CDK6: variants seen among roughly 807,000 people sequenced by gnomAD.
CDK6 encodes cyclin-dependent kinase 6.
A neutral mutation model predicts 37.1 loss-of-function variants in CDK6; 6 were observed. The ratio of observed to expected loss-of-function variants is 0.16; its 90% CI spans 0.09 to 0.32. CDK6 has a LOEUF of 0.32. CDK6 is among the 10% of genes least tolerant of loss of function. The probability of loss-of-function intolerance (pLI) is 1.00; values close to 1 mark genes in which losing one functional copy is unlikely to be tolerated. For missense variants in CDK6, 224 were observed against 418.9 expected (o/e 0.53, Z 4.06); for synonymous variants, 160 against 161.3 (o/e 0.99, Z 0.06).
At chr7:92,622,007 GT>G (rs34468342) in intron 6 of CDK6, among the ~76,000 whole-genome samples, 31,249 of 139,062 alleles carry the variant, frequency 0.22, 3,677 homozygotes, top group Middle Eastern at 0.36. Context: ...TTTAGGGGTG[GT>G]TTTTTTTTTT....
At chr7:92,801,956 T>TC (rs1301144988) in intron 2 of CDK6, among the ~76,000 whole-genome samples, 152 of 64,448 alleles carry the variant, frequency 2.4e-3, no homozygotes, top group African/African-American at 7.5e-3. Context: ...TCTCCTCCCC[T>TC]CCCCCCCGTT....
chr7:92,674,089 T>TC (rs541286853), intron 4 of CDK6, among the ~76,000 whole-genome samples: 2 of 144,586 alleles, frequency 1.4e-5, no homozygotes, highest in South Asian at 4.3e-4. Flanking sequence ...CCTTTCTTCT[T>TC]TTTTTTTTTT....
chr7:92,628,138 C>T (rs1795970927), intron 5 of CDK6, among the ~76,000 whole-genome samples: 1 of 152,022 alleles, frequency 6.6e-6, no homozygotes, highest in South Asian at 2.1e-4. Context: ...AAATAATAAA[C>T]CAAAAATGTC....
intron 3 of CDK6, among the ~76,000 whole-genome samples, chr7:92,769,498 A>G (rs1409948650): frequency 1.3e-5 from 2 of 151,424 alleles, no homozygotes; most frequent in Admixed American, 1.3e-4. Flanking sequence ...TGCATCAAAC[A>G]TTTTTTTTTA....
intron 3 of CDK6, among the ~76,000 whole-genome samples, chr7:92,730,348 A>G (rs1422960801): frequency 6.6e-6 from 1 of 152,212 alleles, no homozygotes; most frequent in Non-Finnish European, 1.5e-5. Flanking sequence ...AACTCTCTCC[A>G]TAGTGGTTTG....
intron 4 of CDK6, among the ~76,000 whole-genome samples, chr7:92,687,211 T>A (rs1301000476): frequency 6.6e-6 from 1 of 152,206 alleles, no homozygotes; most frequent in Non-Finnish European, 1.5e-5. Context: ...AGTACACCTC[T>A]CTTACAGCCC....
intron 5 of CDK6, among the ~76,000 whole-genome samples, chr7:92,656,324 A>G (rs1212140846): frequency 6.6e-6 from 1 of 152,158 alleles, no homozygotes; most frequent in Non-Finnish European, 1.5e-5. Context: ...TCAGCGCAAA[A>G]CAAAAGAGCA....
chr7:92,701,193 A>G (rs1193714293), intron 4 of CDK6, among the ~76,000 whole-genome samples: 1 of 152,256 alleles, frequency 6.6e-6, no homozygotes, highest in Non-Finnish European at 1.5e-5. Flanking sequence ...GATGGGATCA[A>G]GCGCCCAGGT....
At chr7:92,629,419 AAG>A (rs143120528) in intron 5 of CDK6, among the ~76,000 whole-genome samples, 30,830 of 151,854 alleles carry the variant, frequency 0.2, 3,806 homozygotes, top group Middle Eastern at 0.36. Flanking sequence ...GAGAGAAAGA[AAG>A]AGAGGGAGAG....
At chr7:92,741,154 A>G (rs917524272) in intron 3 of CDK6, among the ~76,000 whole-genome samples, 7 of 152,252 alleles carry the variant, frequency 4.6e-5, no homozygotes, top group African/African-American at 1.7e-4. Flanking sequence ...CAGCAATTAG[A>G]AAGAACATGG....
intron 4 of CDK6, among the ~76,000 whole-genome samples, chr7:92,691,995 C>T (rs1225708426): frequency 2.6e-5 from 4 of 152,286 alleles, no homozygotes; most frequent in South Asian, 2.1e-4. Flanking sequence ...AGGCTGGGCG[C>T]GGTGGCTCAC....
intron 2 of CDK6, among the ~76,000 whole-genome samples, chr7:92,776,584 T>C (rs1799856638): frequency 6.6e-6 from 1 of 152,230 alleles, no homozygotes; most frequent in Non-Finnish European, 1.5e-5. Context: ...GTTTCCTGAC[T>C]TTTTAATGAT....
chr7:92,799,512 T>G (rs1427423201), intron 2 of CDK6, among the ~76,000 whole-genome samples: 1 of 151,864 alleles, frequency 6.6e-6, no homozygotes, highest in Non-Finnish European at 1.5e-5. Flanking sequence ...TTTTTTTCAC[T>G]TAAAATACAG....
chr7:92,688,690 T>C (rs1797527555), intron 4 of CDK6, among the ~76,000 whole-genome samples: 1 of 151,882 alleles, frequency 6.6e-6, no homozygotes, highest in South Asian at 2.1e-4. Flanking sequence ...TCTGAAATGT[T>C]TGTTTGAACA....
chr7:92,617,655 T>C (rs1343731275), intron 7 of CDK6, among the ~76,000 whole-genome samples: 1 of 152,190 alleles, frequency 6.6e-6, no homozygotes, highest in African/African-American at 2.4e-5. Flanking sequence ...GCTATATAGT[T>C]CTTTTGGAAA....
chr7:92,794,867 T>C (rs1040000937), intron 2 of CDK6, among the ~76,000 whole-genome samples: 1 of 150,722 alleles, frequency 6.6e-6, no homozygotes, highest in Admixed American at 6.6e-5. Context: ...TAATATTCTT[T>C]TGGGTCCAAA....
intron 2 of CDK6, among the ~76,000 whole-genome samples, chr7:92,832,324 G>C (rs369910346): frequency 1.1e-4 from 17 of 152,302 alleles, no homozygotes; most frequent in South Asian, 1.0e-3. Flanking sequence ...CAATCCATCT[G>C]GGAAAAGCAT....
intron 3 of CDK6, among the ~76,000 whole-genome samples, chr7:92,766,406 C>T (rs1259265214): frequency 1.3e-5 from 2 of 152,070 alleles, no homozygotes; most frequent in South Asian, 2.1e-4. Flanking sequence ...ACTTGGGGCT[C>T]AAACAACTGG....
At chr7:92,782,570 C>T (rs1038983465) in intron 2 of CDK6, among the ~76,000 whole-genome samples, 6 of 152,158 alleles carry the variant, frequency 3.9e-5, no homozygotes, top group Non-Finnish European at 8.8e-5. Context: ...ATGAAACTGG[C>T]AAAGTCTCAG....
Sources: allele counts gnomAD v4.1 joint callset (sites outside exome capture counted in the v4.1 genomes callset), GRCh38; gene constraint gnomAD v4.1.1; transcripts MANE v1.5; gene names NCBI Gene and HGNC (gene_info 2026-07-23, HGNC 2026-07-21).